ARID3B: variants seen among roughly 807,000 people sequenced by gnomAD.
The protein encoded by ARID3B is AT-rich interactive domain-containing protein 3B.
Under a neutral mutation model 51.9 loss-of-function variants are expected in ARID3B, and 10 were observed. The observed-to-expected ratio is 0.19, with a 90% confidence interval of 0.12 to 0.33. The LOEUF is 0.33. Ranked by LOEUF, ARID3B falls within the 10% of genes least tolerant of loss-of-function variation. ARID3B has a pLI of 1.00. For missense variants in ARID3B, 483 were observed against 716.3 expected, an observed-to-expected ratio of 0.67 and a Z score of 3.72; for synonymous variants, 205 against 279.5, an observed-to-expected ratio of 0.73 and a Z score of 2.66.
At chr15:74,564,488 A>G (rs2141459045) in intron 2 of ARID3B, among the ~76,000 whole-genome samples, 1 of 152,360 alleles carries the variant, frequency 6.6e-6, no homozygotes, top group Admixed American at 6.5e-5. Flanking sequence ...GTTGCTTATT[A>G]AAAACAACAA....
At chr15:74,555,786 CTTTTTTTT>C (rs869243539) in intron 2 of ARID3B, among the ~76,000 whole-genome samples, 4 of 95,116 alleles carry the variant, frequency 4.2e-5, no homozygotes, top group African/African-American at 8.6e-5. Context: ...AGCTGTATTT[CTTTTTTTT>C]TTTTTTTTTT....
At chr15:74,543,181 C>T (rs558301409) in intron 1 of ARID3B, among the ~76,000 whole-genome samples, 404 of 152,268 alleles carry the variant, frequency 2.7e-3, no homozygotes, top group Non-Finnish European at 4.6e-3. Context: ...TTGCGTGTTT[C>T]TTTCATGTTG....
At chr15:74,566,602 CAAAA>C (rs75577936) in intron 2 of ARID3B, among the ~76,000 whole-genome samples, 1 of 94,002 alleles carries the variant, frequency 1.1e-5, no homozygotes, top group Non-Finnish European at 2.3e-5. Flanking sequence ...GACTCTGTCT[CAAAA>C]AAAAAAAAAA....
At chr15:74,571,715 A>G (rs1215513027) in intron 2 of ARID3B, among the ~76,000 whole-genome samples, 4 of 152,238 alleles carry the variant, frequency 2.6e-5, no homozygotes, top group Admixed American at 6.5e-5. Flanking sequence ...CCCAAGTAAT[A>G]TGTTAAAATC....
intron 4 of ARID3B, chr15:74,573,671 G>T: frequency 5.8e-6 from 1 of 171,368 alleles, no homozygotes; most frequent in Non-Finnish European, 1.3e-5. Flanking sequence ...CTTACCCATT[G>T]GCTTTCGATG....
intron 8 of ARID3B, 91 bp downstream of exon 8, chr15:74,593,327 G>C (rs2061811069): frequency 8.4e-7 from 1 of 1,185,038 alleles, no homozygotes; most frequent in Non-Finnish European, 1.2e-6. Context: ...CCCTCTGTCT[G>C]AACACCTCCC....
At chr15:74,569,525 C>T (rs997436840) in intron 2 of ARID3B, among the ~76,000 whole-genome samples, 5 of 152,084 alleles carry the variant, frequency 3.3e-5, no homozygotes, top group African/African-American at 4.8e-5. Context: ...AGGCAGAGGT[C>T]GCAGTGACCT....
chr15:74,549,564 TAAAA>T (rs372965973), intron 2 of ARID3B, among the ~76,000 whole-genome samples: 115 of 122,516 alleles, frequency 9.4e-4, no homozygotes, highest in African/African-American at 3.2e-3. Flanking sequence ...TGAGATGGTG[TAAAA>T]AAAAAAAAAA....
chr15:74,557,817 CTTTTTTT>C (rs11307414), intron 2 of ARID3B, among the ~76,000 whole-genome samples: 10 of 109,774 alleles, frequency 9.1e-5, no homozygotes, highest in East Asian at 3.0e-4. Context: ...TTTCGACTTA[CTTTTTTT>C]TTTTTTTTTT....
intron 2 of ARID3B, among the ~76,000 whole-genome samples, chr15:74,558,492 C>T (rs1460639624): frequency 3.3e-5 from 5 of 151,754 alleles, no homozygotes; most frequent in African/African-American, 1.2e-4. Flanking sequence ...GCTCTTTGAA[C>T]ATCTTTGACT....
At chr15:74,573,365 C>A in intron 4 of ARID3B, 161 bp downstream of exon 4, 1 of 736,814 alleles carries the variant, frequency 1.4e-6, no homozygotes, top group Non-Finnish European at 2.3e-6. Context: ...AACCGATAGC[C>A]AGATTGAAGA....
rs199681043 is a variant in ARID3B at position 74,595,212 on chromosome 15, A to AT, written c.1520-394dup. On this transcript the variant is annotated intron_variant, in intron 8 of 8. Coordinates refer to ENST00000346246, the MANE Select transcript of ARID3B (RefSeq NM_006465.4). ...CCATGCCCAGCTAATTTTAAAAAAA[A>AT]TTTTTATAGAGACAAGGCTCTTGCT... Among the ~76,000 whole-genome samples the AT allele has an allele frequency of 8.3e-3, 1,268 of 152,132 alleles. 11 individuals are homozygous for AT. The highest frequency in any genetic ancestry group is 0.014 in the Non-Finnish European group (950 of 67,976).
At chr15:74,557,139 G>A (rs558465273) in intron 2 of ARID3B, among the ~76,000 whole-genome samples, 1 of 152,002 alleles carries the variant, frequency 6.6e-6, no homozygotes, top group South Asian at 2.1e-4. Flanking sequence ...TCTTGGCCAG[G>A]CATGATGGCT....
Position 74,591,372 on chromosome 15 carries a change from G to A in ARID3B, c.1103G>A (p.Gly368Asp). The A allele has an allele frequency of 1.9e-6, 3 of 1,614,110 alleles. No homozygotes were observed. The highest frequency in any genetic ancestry group is 2.5e-6 in the Non-Finnish European group (3 of 1,179,976). ...ATCCGCTTTCCCATCCTTGGGCTTG[G>A]CTCCAGCAGTGGTACCAATACCAGT... ...PKIRFPILGL[G>D]SSSGTNTSSP... Residue 368 changes from glycine to aspartate, a missense_variant, in exon 6 of 9, where the codon GGC (glycine) becomes GAC (aspartate). This residue lies in a region of ARID3B where 265 missense variants were observed against 354.4 expected (regional missense o/e 0.75). Coordinates refer to ENST00000346246, the MANE Select transcript of ARID3B (RefSeq NM_006465.4). This position sits in a 1 kb window ranked among gnomAD's most constrained non-coding sequence, Gnocchi z 5.8.
chr15:74,589,714 T>A, intron 4 of ARID3B, 106 bp from the exon 5 acceptor site: 1 of 1,214,754 alleles, frequency 8.2e-7, no homozygotes. Context: ...CACTTCCAGG[T>A]TGATGAGCAT....
intron 2 of ARID3B, among the ~76,000 whole-genome samples, chr15:74,552,101 G>A (rs1332684169): frequency 4.4e-5 from 5 of 113,926 alleles, no homozygotes; most frequent in African/African-American, 1.4e-4. Context: ...TCGCTCTGCC[G>A]CCCAGGCTAG....
At chr15:74,559,259 T>C (rs2141454858) in intron 2 of ARID3B, among the ~76,000 whole-genome samples, 1 of 152,354 alleles carries the variant, frequency 6.6e-6, no homozygotes, top group Non-Finnish European at 1.5e-5. Flanking sequence ...TTTCTGCTGC[T>C]GTGGACTCTG....
chr15:74,555,998 T>G (rs2061656184), intron 2 of ARID3B, among the ~76,000 whole-genome samples: 1 of 151,670 alleles, frequency 6.6e-6, no homozygotes, highest in African/African-American at 2.4e-5. Context: ...TTCACCGTGT[T>G]AGCCGGGATG....
intron 8 of ARID3B, among the ~76,000 whole-genome samples, chr15:74,593,717 C>T (rs1037367973): frequency 6.6e-6 from 1 of 152,206 alleles, no homozygotes; most frequent in Middle Eastern, 3.2e-3. Flanking sequence ...GTTGATTTCG[C>T]ACCTTTACAG....
Sources: gnomAD v4.1 joint callset for allele counts (sites outside exome capture counted in the v4.1 genomes callset) on GRCh38, gnomAD v4.1.1 for gene constraint, gnomAD v4.1.1 regional missense constraint, Gnocchi (gnomAD v3.1) non-coding constraint, MANE v1.5 for transcripts, NCBI Gene and HGNC (gene_info 2026-07-23, HGNC 2026-07-21) for gene names.